Variants in ELAVL2 observed in about 807,000 individuals in gnomAD.
ELAVL2 encodes the protein ELAV like RNA binding protein 2, also known as ELAV-like protein 2.
A neutral mutation model predicts 34.6 loss-of-function variants in ELAVL2; 4 were observed. The ratio of observed to expected loss-of-function variants is 0.12; its 90% CI spans 0.06 to 0.26. ELAVL2 has a LOEUF of 0.26. Ranked by LOEUF, ELAVL2 falls within the 10% of genes least tolerant of loss-of-function variation. The pLI is 1.00. For missense variants in ELAVL2, 432 were observed against 442.8 expected (o/e 0.98, Z 0.22); for synonymous variants, 193 against 154.8 (o/e 1.25, Z -1.83).
intron 5 of ELAVL2, among the ~76,000 whole-genome samples, chr9:23,699,452 G>A (rs2036385268): frequency 6.6e-6 from 1 of 152,004 alleles, no homozygotes; most frequent in East Asian, 1.9e-4. Flanking sequence ...TCCACTAACA[G>A]CAAACATTTT....
Position 23,704,902 on chromosome 9 carries a change from G to A in ELAVL2, c.487+16C>T, listed in dbSNP as rs537879287. 6.2e-6 allele frequency: 10 copies of A among 1,613,594 alleles called. No homozygotes were observed. The highest frequency in any genetic ancestry group is 8.5e-6 in the Non-Finnish European group (10 of 1,179,744). On this transcript the variant is annotated intron_variant, in intron 4 of 6. Transcript: ENST00000397312. Reference sequence around the variant, plus strand: ...CAGAGACAGGGAAAGACTGTCCGGAGTGGCTGTCTACTTACCAGTGACCTG... The same window carrying A: ...CAGAGACAGGGAAAGACTGTCCGGAATGGCTGTCTACTTACCAGTGACCTG...
intron 1 of ELAVL2, among the ~76,000 whole-genome samples, chr9:23,770,355 T>C (rs945251235): frequency 2.0e-5 from 3 of 152,166 alleles, no homozygotes; most frequent in Admixed American, 6.5e-5. Context: ...GCTGCTGTGA[T>C]AGGAAGAAAA....
intron 1 of ELAVL2, chr9:23,765,182 T>C: frequency 1.6e-6 from 2 of 1,260,746 alleles, no homozygotes; most frequent in Non-Finnish European, 1.1e-6. Flanking sequence ...TTACAGTGAT[T>C]GTATTGATAT....
rs542562524 is a variant in ELAVL2, at chr9:23,783,263, A to C, written c.-15-21014T>G. Among the ~76,000 whole-genome samples the C allele has an allele frequency of 9.6e-4, 146 of 152,318 alleles. 1 individual carries two copies. Among genetic ancestry groups the C allele is most frequent in the Middle Eastern group, 6.8e-3 (2 of 294 alleles). On this transcript the variant is annotated intron_variant, in intron 1 of 6. Transcript: ENST00000397312. ...TTAGTCCTCCAAATTAAAAACAGCC[A>C]AAGAGAAACTAGCTTGTAAACAAAA...
At chr9:23,820,809 G>C (rs1292358730) in intron 1 of ELAVL2, among the ~76,000 whole-genome samples, 1 of 152,208 alleles carries the variant, frequency 6.6e-6, no homozygotes, top group Admixed American at 6.5e-5. Flanking sequence ...CACGGCAAGC[G>C]AACTGAAATC....
At chr9:23,728,832 A>T (rs1487199455) in intron 3 of ELAVL2, among the ~76,000 whole-genome samples, 1 of 152,124 alleles carries the variant, frequency 6.6e-6, no homozygotes, top group East Asian at 1.9e-4. Context: ...TTTGCCTCTT[A>T]GACAAATGTG....
At chr9:23,846,248 T>C in the ELAVL2 span, among the ~76,000 whole-genome samples, 1 of 151,910 alleles carries the variant, frequency 6.6e-6, no homozygotes, top group Admixed American at 6.6e-5. Context: ...TACAGGTTTC[T>C]TTAGTTCACA....
intron 1 of ELAVL2, among the ~76,000 whole-genome samples, chr9:23,820,698 G>A (rs1248170752): frequency 6.6e-6 from 1 of 152,158 alleles, no homozygotes; most frequent in Non-Finnish European, 1.5e-5. Flanking sequence ...GTGAACCGAC[G>A]CTGGCTCCCC....
intron 1 of ELAVL2, among the ~76,000 whole-genome samples, chr9:23,812,099 A>G (rs1250118452): frequency 6.6e-6 from 1 of 152,096 alleles, no homozygotes; most frequent in Non-Finnish European, 1.5e-5. Flanking sequence ...TCTACTATTA[A>G]ATGCAAGAGT....
chr9:23,792,168 G>C (rs1465797093), intron 1 of ELAVL2, among the ~76,000 whole-genome samples: 1 of 152,180 alleles, frequency 6.6e-6, no homozygotes, highest in African/African-American at 2.4e-5. Context: ...CTTTGTGTTA[G>C]ATGGTTTTGC....
rs565359060 is a variant in ELAVL2, at chr9:23,772,048, G to GT, written c.-15-9800dup. Reference sequence around the variant, plus strand: ...AAGAATAAAATCAACTACTCCCTCAGTTTTGTGGCAGAGGTTTTGTTTGGT... The same window carrying GT: ...AAGAATAAAATCAACTACTCCCTCAGTTTTTGTGGCAGAGGTTTTGTTTGGT... On this transcript the variant is annotated intron_variant, in intron 1 of 6. Coordinates refer to ENST00000397312, the MANE Select transcript of ELAVL2 (RefSeq NM_004432.5). 8.7e-4 allele frequency among the ~76,000 whole-genome samples: 133 copies of GT among 152,248 alleles called. No homozygotes were observed. In the Middle Eastern group the frequency reaches 0.01, roughly 12 times the overall value.
chr9:23,702,972 A>AAAAAAAAC (rs2037929053), intron 4 of ELAVL2, among the ~76,000 whole-genome samples: 4 of 147,164 alleles, frequency 2.7e-5, no homozygotes, highest in Admixed American at 2.0e-4. Context: ...AAAAAAAAAA[A>AAAAAAAAC]AAAAAAAAAC....
At chr9:23,817,512 C>T (rs1299992457) in intron 1 of ELAVL2, among the ~76,000 whole-genome samples, 1 of 152,058 alleles carries the variant, frequency 6.6e-6, no homozygotes, top group Non-Finnish European at 1.5e-5. Flanking sequence ...AAAGAATGCT[C>T]GTTGCAAAAA....
chr9:23,693,439 T>TA lies in ELAVL2; in HGVS notation c.752+8dup, dbSNP rs767476313. The TA allele has an allele frequency of 6.2e-7, 1 of 1,614,036 alleles. No individual in the cohort carries two copies. Among genetic ancestry groups the TA allele is most frequent in the African/African-American group, 1.3e-5 (1 of 75,044 alleles). On this transcript the variant is annotated intron_variant, in intron 6 of 6. Transcript: ENST00000397312. ...AGGGATTATGAGTATCATGAACCTC[T>TA]ATCATTACCTCTTTACTCCATAAGC...
At chr9:23,839,107 T>G in the ELAVL2 span, among the ~76,000 whole-genome samples, 1 of 152,206 alleles carries the variant, frequency 6.6e-6, no homozygotes, top group African/African-American at 2.4e-5. Context: ...ACAAGTATTA[T>G]TTATCTTATT....
At chr9:23,809,842 T>C (rs1158051042) in intron 1 of ELAVL2, among the ~76,000 whole-genome samples, 1 of 152,110 alleles carries the variant, frequency 6.6e-6, no homozygotes, top group Non-Finnish European at 1.5e-5. Flanking sequence ...ACAGTAAAGT[T>C]GGAGAAACAG....
At chr9:23,774,803 T>TA (rs1246646131) in intron 1 of ELAVL2, among the ~76,000 whole-genome samples, 1 of 152,112 alleles carries the variant, frequency 6.6e-6, no homozygotes, top group Non-Finnish European at 1.5e-5. Flanking sequence ...CTTGTACTTA[T>TA]ATTCAGATTT....
chr9:23,810,431 C>G (rs2062823679), intron 1 of ELAVL2, among the ~76,000 whole-genome samples: 2 of 152,074 alleles, frequency 1.3e-5, no homozygotes, highest in African/African-American at 2.4e-5. Context: ...AAAAATAATC[C>G]TGGTACAACA....
intron 1 of ELAVL2, among the ~76,000 whole-genome samples, chr9:23,812,592 T>C (rs2063155208): frequency 6.6e-6 from 1 of 152,108 alleles, no homozygotes; most frequent in Non-Finnish European, 1.5e-5. Flanking sequence ...AAAAGAATCA[T>C]ATAATCATAG....
Sources: gnomAD v4.1 joint callset for allele counts (sites outside exome capture counted in the v4.1 genomes callset) on GRCh38, gnomAD v4.1.1 for gene constraint, MANE v1.5 for transcripts, NCBI Gene and HGNC (gene_info 2026-07-23, HGNC 2026-07-21) for gene names.